Variants in CACNA1A observed in about 807,000 individuals in gnomAD.
CACNA1A encodes the protein voltage-dependent P/Q-type calcium channel subunit alpha-1A.
In CACNA1A, 57 loss-of-function variants were observed where a neutral mutation model predicts 262.4. The observed-to-expected ratio is 0.22, with a 90% CI of 0.18 to 0.27. The LOEUF (loss-of-function observed/expected upper bound fraction) is 0.27, where lower values mean the gene tolerates loss of function less well. CACNA1A is among the 10% of genes least tolerant of loss of function. CACNA1A has a pLI of 1.00. For synonymous variants in CACNA1A, 1,431 were observed against 1,419.3 expected, an observed-to-expected ratio of 1.01 and a Z score of -0.18; for missense variants, 2,526 against 3,562.8, an observed-to-expected ratio of 0.71 and a Z score of 7.41.
In CACNA1A at chr19:13,359,651, A is replaced by G; in HGVS notation, c.933T>C (p.Val311=). The stretch of plus-strand genomic sequence containing the variant: ...ACCCTTCCATGGTTATGCACTGGAA[A>G]ACAGTCAGCACTGCAAACAGGATGT... ...FDNILFAVLT[V]FQCITMEGWT... is the part of the protein sequence containing the mutation. Residue 311 remains valine (V), a synonymous_variant, in exon 6 of 47, where the codon GTT becomes GTC. Coordinates refer to ENST00000360228, the MANE Select transcript of CACNA1A (RefSeq NM_001127222.2). The G allele has an allele frequency of 2.5e-6, 4 of 1,611,464 alleles. No homozygotes were observed. Among genetic ancestry groups the G allele is most frequent in the Non-Finnish European group, 2.5e-6 (3 of 1,178,912 alleles).
chr19:13,461,559 A>G (rs1396056676), intron 1 of CACNA1A, among the ~76,000 whole-genome samples: 1 of 152,204 alleles, frequency 6.6e-6, no homozygotes, highest in African/African-American at 2.4e-5. Flanking sequence ...AGTTCTTGGC[A>G]TGGTAAGAGA....
At position 13,240,770 on chromosome 19, in the gene CACNA1A, ACAGT is replaced by A. The variant is rs1281140746; in HGVS notation, c.4950+4408_4950+4411del. Among the ~76,000 whole-genome samples, 12 of 144,678 alleles carry A rather than the reference ACAGT, an allele frequency of 8.3e-5. No homozygotes were observed. The South Asian group carries it at 9.9e-4, about 12-fold the overall frequency. 94.9% of individuals were successfully genotyped at this position (144,678 alleles called of 152,430 possible). On this transcript the variant is annotated intron_variant, in intron 31 of 46. Coordinates refer to ENST00000360228, the MANE Select transcript of CACNA1A (RefSeq NM_001127222.2). The stretch of plus-strand genomic sequence containing the variant: ...GCGTCTGTGTGCAGTGACTGTGTGC[ACAGT>A]GTGTGCGCAGTGACTGAGTGTGTGC...
intron 3 of CACNA1A, among the ~76,000 whole-genome samples, chr19:13,427,544 C>T (rs773752289): frequency 2.0e-5 from 3 of 152,062 alleles, no homozygotes; most frequent in South Asian, 2.1e-4. Context: ...GGTCCAGGGC[C>T]GTCCCAAATT....
intron 10 of CACNA1A, among the ~76,000 whole-genome samples, chr19:13,328,924 C>G (rs2058418011): frequency 1.5e-5 from 2 of 131,946 alleles, no homozygotes; most frequent in Admixed American, 1.6e-4. Flanking sequence ...TTCTCTTCCT[C>G]CCTTCCTCTT....
At position 13,219,447 on chromosome 19, in the gene CACNA1A, T is replaced by C. The variant is rs149120260; in HGVS notation, c.5732-4839A>G. ...GGAATCACTGAACCTGTGGGTGGTT[T>C]TGGGACCCCTGAACACAGATTCTCA... is the stretch of plus-strand genomic sequence containing the variant. On this transcript the variant is annotated intron_variant, in intron 38 of 46. Coordinates refer to ENST00000360228, the MANE Select transcript of CACNA1A (RefSeq NM_001127222.2). Among the ~76,000 whole-genome samples, 1,403 of 152,288 alleles carry C rather than the reference T, an allele frequency of 9.2e-3. 23 individuals carry two copies. The highest frequency in any genetic ancestry group is 0.032 in the African/African-American group (1,347 of 41,570).
chr19:13,271,345 C>G (rs761344899), intron 24 of CACNA1A: 2 of 151,236 alleles, frequency 1.3e-5, no homozygotes, highest in South Asian at 2.1e-4. Flanking sequence ...CTCACCCTCC[C>G]GAGTAGCTGG....
intron 1 of CACNA1A, among the ~76,000 whole-genome samples, chr19:13,502,069 C>G (rs966396000): frequency 6.6e-6 from 1 of 151,276 alleles, no homozygotes; most frequent in African/African-American, 2.4e-5. Context: ...AACATTCTAT[C>G]TCTCAGGACA....
At position 13,308,167 on chromosome 19, in the gene CACNA1A, C is replaced by A. The variant is rs1318005776; in HGVS notation, c.1866G>T (p.Leu622=). 1 of 1,613,776 alleles carries A rather than the reference C, an allele frequency of 6.2e-7. No homozygotes were observed. The highest frequency in any genetic ancestry group is 1.1e-5 in the South Asian group (1 of 91,072). ...SIISLLFLLF[L]FIVVFALLGM... is the part of the protein sequence containing the mutation. ...CCAAAAGGGCGAAGACGACAATGAA[C>A]AGGAAAAGGAGAAACAACAGGCTGA... Residue 622 remains leucine (L), a synonymous_variant, in exon 14 of 47, where the codon CTG becomes CTT. Transcript: ENST00000360228. This position sits in a 1 kb window ranked among gnomAD's most constrained non-coding sequence, Gnocchi z 4.2.
At position 13,207,784 on chromosome 19, in the gene CACNA1A, G is replaced by A. The variant is rs932173199; in HGVS notation, c.7050C>T (p.Ala2350=). The A allele has an allele frequency of 5.0e-5, 70 of 1,393,514 alleles. 1 individual carries two copies. In the African/African-American group the frequency reaches 7.0e-4, roughly 14 times the overall value. 86.3% of individuals were successfully genotyped at this position (1,393,514 alleles called of 1,614,324 possible). A position where few individuals can be genotyped will look rare whatever the true frequency, so the allele number is the denominator to read the frequency against. Residue 2350 remains alanine, a synonymous_variant, in exon 47 of 47, where the codon GCC becomes GCT. Coordinates refer to ENST00000360228, the MANE Select transcript of CACNA1A (RefSeq NM_001127222.2). The surrounding 1 kb of genome is among the most constrained non-coding windows in gnomAD (Gnocchi z 5.7). ...GGCCCCCCGTGGGCGGCCGATCTCC[G>A]GCCAGAGGCTCGGCCGTGGGGCCTG... The part of the protein sequence containing the change: ...RYPGPTAEPL[A]GDRPPTGGHS...
intron 1 of CACNA1A, among the ~76,000 whole-genome samples, chr19:13,480,396 C>T (rs995412839): frequency 1.3e-5 from 2 of 152,154 alleles, no homozygotes; most frequent in Non-Finnish European, 2.9e-5. Flanking sequence ...ATACTTTCTC[C>T]TCCCTAGCTT....
chr19:13,206,893 A>AAACTC lies in CACNA1A; in HGVS notation c.*415_*419dup, dbSNP rs1335589111. ...AAGGAAAGATTCAATTGAGATGATA[A>AAACTC]AACTCATCAATAGAAGCTATTTTTT... On this transcript the variant is annotated 3_prime_UTR_variant, in exon 47 of 47. Coordinates refer to ENST00000360228, the MANE Select transcript of CACNA1A (RefSeq NM_001127222.2). 1 of 154,372 alleles carries AAACTC rather than the reference A, an allele frequency of 6.5e-6. No individual in the cohort carries two copies. Among genetic ancestry groups the AAACTC allele is most frequent in the Non-Finnish European group, 1.4e-5 (1 of 69,334 alleles). 9.6% of individuals were successfully genotyped at this position (154,372 alleles called of 1,614,324 possible).
At chr19:13,465,631 C>T (rs2061220753) in intron 1 of CACNA1A, among the ~76,000 whole-genome samples, 3 of 152,074 alleles carry the variant, frequency 2.0e-5, no homozygotes, top group East Asian at 1.9e-4. Context: ...ACTACAGGCA[C>T]ATGTCACCAC....
At chr19:13,379,006 G>A (rs549128894) in intron 3 of CACNA1A, among the ~76,000 whole-genome samples, 2 of 137,498 alleles carry the variant, frequency 1.5e-5, no homozygotes, top group Admixed American at 7.6e-5. Flanking sequence ...TGAGAGATAC[G>A]GTCTCACTCT....
chr19:13,468,985 A>G (rs924022999), intron 1 of CACNA1A, among the ~76,000 whole-genome samples: 2 of 152,078 alleles, frequency 1.3e-5, no homozygotes, highest in South Asian at 4.2e-4. Flanking sequence ...AGAATCAAAG[A>G]AAGACCTTCC....
At chr19:13,224,028 C>T (rs114113905) in intron 38 of CACNA1A, among the ~76,000 whole-genome samples, 3,040 of 152,034 alleles carry the variant, frequency 0.02, 106 homozygotes, top group African/African-American at 0.062. Flanking sequence ...TTAGGTTGGG[C>T]ATGGTGGCTC....
intron 6 of CACNA1A, among the ~76,000 whole-genome samples, chr19:13,348,678 T>C (rs900728537): frequency 2.0e-5 from 3 of 151,984 alleles, no homozygotes; most frequent in Non-Finnish European, 4.4e-5. Context: ...TTTACTAAAA[T>C]ACAAAAAATT....
At chr19:13,257,299 G>T in intron 28 of CACNA1A, 51 bp downstream of exon 28, 1 of 1,485,752 alleles carries the variant, frequency 6.7e-7, no homozygotes, top group Non-Finnish European at 9.4e-7. Flanking sequence ...GTGTTTTAAA[G>T]TTTGTGTGTG....
intron 28 of CACNA1A, 79 bp downstream of exon 28, chr19:13,257,271 G>C: frequency 1.7e-6 from 2 of 1,191,756 alleles, no homozygotes; most frequent in Non-Finnish European, 1.2e-6. Flanking sequence ...CCTAGAAAGG[G>C]GTTCCTGGGT....
At chr19:13,444,532 A>G (rs1486686516) in intron 3 of CACNA1A, among the ~76,000 whole-genome samples, 1 of 152,186 alleles carries the variant, frequency 6.6e-6, no homozygotes, top group Non-Finnish European at 1.5e-5. Context: ...TTCCTCAACT[A>G]TATAATAAAA....
Sources: gnomAD v4.1 joint callset for allele counts (sites outside exome capture counted in the v4.1 genomes callset) on GRCh38, gnomAD v4.1.1 for gene constraint, Gnocchi (gnomAD v3.1) non-coding constraint, MANE v1.5 for transcripts, NCBI Gene and HGNC (gene_info 2026-07-23, HGNC 2026-07-21) for gene names.